Variants in DNMBP observed in about 807,000 individuals in gnomAD.
The protein encoded by DNMBP is dynamin binding protein.
Under a neutral mutation model 150.0 loss-of-function variants are expected in DNMBP, and 87 were observed. That is an observed-to-expected ratio of 0.58 (90% CI 0.49 to 0.69). The LOEUF is 0.69. DNMBP is among the 30% of genes least tolerant of loss of function. The pLI, the probability that DNMBP is intolerant of heterozygous loss-of-function variation, is 0.00. For missense variants in DNMBP, 1,774 were observed against 1,949.0 expected (o/e 0.91, Z 1.69); for synonymous variants, 711 against 750.4 (o/e 0.95, Z 0.86).
At chr10:99,961,252 A>C (rs1160763409) in intron 3 of DNMBP, among the ~76,000 whole-genome samples, 1 of 102,704 alleles carries the variant, frequency 9.7e-6, no homozygotes, top group African/African-American at 3.6e-5. Flanking sequence ...CTTTCAAAAT[A>C]TTTCTTCCCT....
At chr10:99,988,444 C>T (rs1298599488) in intron 1 of DNMBP, among the ~76,000 whole-genome samples, 1 of 152,030 alleles carries the variant, frequency 6.6e-6, no homozygotes, top group Non-Finnish European at 1.5e-5. Context: ...ATTAAGTTTT[C>T]CAATAGCCAG....
Position 99,880,180 on chromosome 10 carries a change from G to C in DNMBP, c.4179C>G (p.Ser1393=), listed in dbSNP as rs1481384230. The C allele has an allele frequency of 1.2e-6, 2 of 1,614,202 alleles. No homozygotes were observed. Among genetic ancestry groups the C allele is most frequent in the Non-Finnish European group, 8.5e-7 (1 of 1,180,038 alleles). ...LTFNPSSMAV[S]FTSGSCQKQP... The stretch of plus-strand genomic sequence containing the variant: ...GCTTCTGGCAAGACCCCGAGGTAAA[G>C]GATACAGCCATGCTGCTGGGGTTGA... Residue 1393 remains serine, a synonymous_variant, in exon 16 of 17, where the codon TCC becomes TCG. Coordinates refer to ENST00000324109, the MANE Select transcript of DNMBP (RefSeq NM_015221.4).
At chr10:99,943,051 G>T (rs140813946) in intron 4 of DNMBP, among the ~76,000 whole-genome samples, 11,033 of 148,286 alleles carry the variant, frequency 0.074, 610 homozygotes, top group Admixed American at 0.13. Context: ...GGGAGGCTGA[G>T]GGGGGGGCGG....
chr10:99,956,071 A>T lies in DNMBP; in HGVS notation c.1403T>A (p.Leu468Gln), dbSNP rs781731318. The change falls in exon 4 of 17, where the codon CTA (leucine) becomes CAA (glutamine). Residue 468 changes from leucine (L) to glutamine (Q), a missense_variant. This residue lies in a region of DNMBP where 1,430 missense variants were observed against 1,492.5 expected (regional missense o/e 0.96). Transcript: ENST00000324109. ...GAGCACTGGCTTCTGAAGAGTTTTTAGCTGGGAATACATTCTTTTGGGAGG... is the reference window on the plus strand; with the variant it reads ...GAGCACTGGCTTCTGAAGAGTTTTTTGCTGGGAATACATTCTTTTGGGAGG... Reference protein sequence around the residue: ...SLPPKRMYSQLKTLQKPVLPL... With the variant: ...SLPPKRMYSQQKTLQKPVLPL... 6.2e-7 allele frequency: 1 copy of T among 1,614,202 alleles called. No homozygotes were observed. Among genetic ancestry groups the T allele is most frequent in the Non-Finnish European group, 8.5e-7 (1 of 1,180,034 alleles).
intron 1 of DNMBP, among the ~76,000 whole-genome samples, chr10:99,990,217 G>A (rs17112444): frequency 0.014 from 2,069 of 152,110 alleles, 36 homozygotes; most frequent in African/African-American, 0.046. Context: ...GGCAATTAGC[G>A]GCACCTGAAG....
chr10:100,002,268 T>C (rs976585542), intron 1 of DNMBP, among the ~76,000 whole-genome samples: 6 of 151,936 alleles, frequency 3.9e-5, no homozygotes, highest in African/African-American at 1.5e-4. Context: ...TTACAGATGC[T>C]CTGTAATAAA....
rs143777423 is a variant in DNMBP at position 99,893,166 on chromosome 10, A to T, written c.3156+1780T>A. Among the ~76,000 whole-genome samples the T allele has an allele frequency of 5.3e-5, 8 of 152,370 alleles. No individual in the cohort carries two copies. In the East Asian group the frequency reaches 1.5e-3, roughly 29 times the overall value. ...CCACTGGTTTTGATAACACTGAGTT[A>T]GCAAGGGATATTGCTTGTGGAACTT... On this transcript the variant is annotated intron_variant, in intron 11 of 16. Transcript: ENST00000324109.
chr10:99,880,232 C>T lies in DNMBP; in HGVS notation c.4127G>A (p.Arg1376His), dbSNP rs372003127. ...GGTCAGGGTGCTGCCGCTGTTCTGG[C>T]GTGGGAACCTGGGGGAGGAGCTGCC... is the stretch of plus-strand genomic sequence containing the variant. ...EHGSSSPRFPRQNSGSTLTFN... is the reference protein window; with the variant it reads ...EHGSSSPRFPHQNSGSTLTFN... Residue 1376 changes from arginine (R) to histidine (H), a missense_variant, in exon 16 of 17, where the codon CGC (arginine) becomes CAC (histidine). This residue lies in a region of DNMBP where 1,430 missense variants were observed against 1,492.5 expected (regional missense o/e 0.96). Coordinates refer to ENST00000324109, the MANE Select transcript of DNMBP (RefSeq NM_015221.4). The T allele has an allele frequency of 2.5e-5, 40 of 1,613,898 alleles. No homozygotes were observed. Among genetic ancestry groups the T allele is most frequent in the East Asian group, 1.3e-4 (6 of 44,886 alleles).
chr10:99,914,700 T>C (rs2039941891), intron 4 of DNMBP, among the ~76,000 whole-genome samples: 1 of 152,106 alleles, frequency 6.6e-6, no homozygotes, highest in African/African-American at 2.4e-5. Context: ...ATGCCACAAT[T>C]TTTTAAGAAA....
At chr10:99,896,542 A>T (rs1243167575) in intron 9 of DNMBP, 145 bp from the exon 10 acceptor site, 9 of 811,762 alleles carry the variant, frequency 1.1e-5, no homozygotes, top group Non-Finnish European at 1.8e-5. Flanking sequence ...TGATTTATGG[A>T]CAGACATGAT....
At chr10:99,992,806 A>C (rs11596802) in intron 1 of DNMBP, among the ~76,000 whole-genome samples, 2 of 151,968 alleles carry the variant, frequency 1.3e-5, no homozygotes, top group South Asian at 2.1e-4. Context: ...GATTACAGGC[A>C]TAAGACACCG....
At chr10:99,976,437 T>C (rs192497290) in intron 1 of DNMBP, among the ~76,000 whole-genome samples, 119 of 152,300 alleles carry the variant, frequency 7.8e-4, no homozygotes, top group Non-Finnish European at 1.4e-3. Context: ...ACCAGCACTG[T>C]CTATCTTTTA....
chr10:99,949,347 A>G (rs1348735268), intron 4 of DNMBP, among the ~76,000 whole-genome samples: 1 of 152,218 alleles, frequency 6.6e-6, no homozygotes, highest in Non-Finnish European at 1.5e-5. Context: ...TAAATATAAT[A>G]TTGATCAGAA....
chr10:99,916,967 C>T (rs910927267), intron 4 of DNMBP, among the ~76,000 whole-genome samples: 14 of 152,196 alleles, frequency 9.2e-5, no homozygotes, highest in African/African-American at 2.6e-4. Context: ...CGCCACTGTA[C>T]TCCAGCCTTG....
intron 4 of DNMBP, among the ~76,000 whole-genome samples, chr10:99,932,501 G>T (rs7100380): frequency 0.31 from 47,119 of 151,686 alleles, 7,394 homozygotes; most frequent in Non-Finnish European, 0.33. Context: ...GACATGGCTC[G>T]TATGGAAACC....
At chr10:99,953,497 C>T (rs11190338) in intron 4 of DNMBP, among the ~76,000 whole-genome samples, 9,399 of 152,092 alleles carry the variant, frequency 0.062, 396 homozygotes, top group African/African-American at 0.11. Context: ...CTAACACATG[C>T]TTACTAATAT....
At chr10:99,973,769 G>A (rs989548800) in intron 1 of DNMBP, among the ~76,000 whole-genome samples, 3 of 152,158 alleles carry the variant, frequency 2.0e-5, no homozygotes, top group Admixed American at 1.3e-4. Flanking sequence ...CACCTGAGGT[G>A]AGGAGTTTTG....
At chr10:99,962,107 T>C (rs1443568059) in intron 3 of DNMBP, among the ~76,000 whole-genome samples, 1 of 152,122 alleles carries the variant, frequency 6.6e-6, no homozygotes, top group Non-Finnish European at 1.5e-5. Flanking sequence ...CTTGGCTGTC[T>C]ATAGCCTAGA....
At chr10:99,891,971 C>T (rs2039575281) in intron 11 of DNMBP, among the ~76,000 whole-genome samples, 1 of 145,762 alleles carries the variant, frequency 6.9e-6, no homozygotes, top group Non-Finnish European at 1.5e-5. Context: ...TGAGGGGCGC[C>T]TCTGCCCGGC....
Sources: gnomAD v4.1 joint callset for allele counts (sites outside exome capture counted in the v4.1 genomes callset) on GRCh38, gnomAD v4.1.1 for gene constraint, gnomAD v4.1.1 regional missense constraint, MANE v1.5 for transcripts, NCBI Gene and HGNC (gene_info 2026-07-23, HGNC 2026-07-21) for gene names.